KIAA1549L: variants seen among roughly 807,000 people sequenced by gnomAD.
KIAA1549L encodes KIAA1549 like.
A neutral mutation model predicts 160.7 loss-of-function variants in KIAA1549L; 88 were observed. That is an observed-to-expected ratio of 0.55 (90% CI 0.46 to 0.65). The LOEUF is 0.65. Ranked by LOEUF, KIAA1549L falls within the 30% of genes least tolerant of loss-of-function variation. KIAA1549L has a pLI of 0.00. For missense variants in KIAA1549L, 2,258 were observed against 2,437.5 expected (o/e 0.93, Z 1.55); for synonymous variants, 950 against 976.7 (o/e 0.97, Z 0.51).
At chr11:33,446,055 T>C (rs12574530) in intron 1 of KIAA1549L, among the ~76,000 whole-genome samples, 25,565 of 151,806 alleles carry the variant, frequency 0.17, 2,600 homozygotes, top group East Asian at 0.32. Context: ...GACACTGCTG[T>C]AGGTATTAGG....
chr11:33,551,976 G>A (rs1854478129), intron 5 of KIAA1549L, 132 bp from the exon 6 acceptor site: 1 of 996,760 alleles, frequency 1.0e-6, no homozygotes, highest in South Asian at 1.9e-5. Flanking sequence ...AGCAAACCTT[G>A]TCTGGCCTTA....
intron 1 of KIAA1549L, among the ~76,000 whole-genome samples, chr11:33,460,279 G>A (rs1851916182): frequency 6.6e-6 from 1 of 152,122 alleles, no homozygotes; most frequent in Non-Finnish European, 1.5e-5. Context: ...ATGGGAGGGG[G>A]GAGCATGAGA....
At chr11:33,410,948 A>G (rs1309200265) in intron 1 of KIAA1549L, among the ~76,000 whole-genome samples, 1 of 152,192 alleles carries the variant, frequency 6.6e-6, no homozygotes, top group East Asian at 1.9e-4. Flanking sequence ...GGTACAAGTG[A>G]GTAATGAGGA....
intron 6 of KIAA1549L, among the ~76,000 whole-genome samples, chr11:33,554,787 G>A (rs1854592055): frequency 6.6e-6 from 1 of 152,200 alleles, no homozygotes; most frequent in South Asian, 2.1e-4. Flanking sequence ...AGGAGAAATG[G>A]TTCCCTGAGG....
At chr11:33,570,238 A>G (rs1800920822) in intron 9 of KIAA1549L, among the ~76,000 whole-genome samples, 1 of 151,986 alleles carries the variant, frequency 6.6e-6, no homozygotes, top group Non-Finnish European at 1.5e-5. Flanking sequence ...TCCTGACCTC[A>G]TGATCCACCC....
At chr11:33,634,444 C>T (rs1010090751) in intron 16 of KIAA1549L, among the ~76,000 whole-genome samples, 2 of 152,174 alleles carry the variant, frequency 1.3e-5, no homozygotes, top group Admixed American at 1.3e-4. Context: ...GGCCGTAGTA[C>T]AAGGCCACAC....
chr11:33,422,249 G>A (rs566063968), intron 1 of KIAA1549L, among the ~76,000 whole-genome samples: 16 of 152,236 alleles, frequency 1.1e-4, no homozygotes, highest in Non-Finnish European at 2.1e-4. Context: ...TAGTTCATAA[G>A]CATCCCAAGG....
At position 33,545,062 on chromosome 11, in the gene KIAA1549L, A is replaced by G. The variant is rs1391179094; in HGVS notation, c.3069A>G (p.Thr1023=). The change falls in exon 3 of 21, where the codon ACA becomes ACG. Residue 1023 remains threonine, a synonymous_variant. Transcript: ENST00000658780. ...CAGGACATACCACGAGCACACATAC[A>G]GCCATGCAAGGAAACATGGACACTG... The part of the protein sequence containing the change: ...ARTGHTTSTH[T]AMQGNMDTAS... 6.2e-7 allele frequency: 1 copy of G among 1,614,056 alleles called. No individual in the cohort carries two copies.
chr11:33,545,853 T>C (rs1381932978), intron 3 of KIAA1549L, among the ~76,000 whole-genome samples: 1 of 152,260 alleles, frequency 6.6e-6, no homozygotes, highest in African/African-American at 2.4e-5. Context: ...GTTTGTAAGA[T>C]ACAACATCTT....
At chr11:33,589,525 A>G (rs975868182) in intron 11 of KIAA1549L, among the ~76,000 whole-genome samples, 3 of 152,230 alleles carry the variant, frequency 2.0e-5, no homozygotes, top group African/African-American at 7.2e-5. Flanking sequence ...ATGTCCAACA[A>G]TGATAGACTG....
At position 33,671,063 on chromosome 11, in the gene KIAA1549L, G is replaced by A. The variant is rs765697347; in HGVS notation, c.*2909G>A. The A allele has an allele frequency of 1.1e-4, 16 of 152,178 alleles. No homozygotes were observed. Among genetic ancestry groups the A allele is most frequent in the African/African-American group, 1.4e-4 (6 of 41,436 alleles). The allele number at this position is 152,178 out of a possible 1,614,324, so 9.4% of individuals were successfully genotyped here. A position where few individuals can be genotyped will look rare whatever the true frequency, so the allele number is the denominator to read the frequency against. On this transcript the variant is annotated 3_prime_UTR_variant, in exon 21 of 21. Coordinates refer to ENST00000658780, the MANE Select transcript of KIAA1549L (RefSeq NM_012194.3). ...GAAAAAAGATGATTGAGTATATAAC[G>A]AACTTCAGATACAGTGTATAGAGGA...
intron 13 of KIAA1549L, among the ~76,000 whole-genome samples, chr11:33,602,875 A>T (rs1056888434): frequency 6.6e-6 from 1 of 152,252 alleles, no homozygotes; most frequent in Non-Finnish European, 1.5e-5. Context: ...GAGGAATTGT[A>T]CAAATCTGAA....
At chr11:33,549,772 G>T (rs761312754) in intron 4 of KIAA1549L, among the ~76,000 whole-genome samples, 1 of 152,146 alleles carries the variant, frequency 6.6e-6, no homozygotes, top group Non-Finnish European at 1.5e-5. Context: ...GGGAGGCCGA[G>T]GTGGGAGGGT....
intron 1 of KIAA1549L, among the ~76,000 whole-genome samples, chr11:33,510,455 A>G (rs192122510): frequency 1.2e-3 from 185 of 152,222 alleles, no homozygotes; most frequent in African/African-American, 4.2e-3. Flanking sequence ...CCAAAGTGCT[A>G]TGATTACAGA....
intron 13 of KIAA1549L, among the ~76,000 whole-genome samples, chr11:33,600,360 ACTTT>A (rs1246053606): frequency 1.3e-5 from 2 of 152,138 alleles, no homozygotes; most frequent in Non-Finnish European, 2.9e-5. Flanking sequence ...GAGTTCAGCA[ACTTT>A]CTTCTCTTTC....
chr11:33,494,865 A>G (rs766707466), intron 1 of KIAA1549L, among the ~76,000 whole-genome samples: 2 of 152,208 alleles, frequency 1.3e-5, no homozygotes, highest in East Asian at 1.9e-4. Context: ...TTGGTGGTCC[A>G]TGCTATGATT....
At chr11:33,665,134 GA>G (rs958356885) in intron 20 of KIAA1549L, 1 of 152,328 alleles carries the variant, frequency 6.6e-6, no homozygotes, top group African/African-American at 2.4e-5. Flanking sequence ...TTTCTTCCTG[GA>G]AACCTCTGTG....
chr11:33,386,809 T>A (rs1340061104), intron 1 of KIAA1549L, among the ~76,000 whole-genome samples: 1 of 150,298 alleles, frequency 6.7e-6, no homozygotes, highest in Non-Finnish European at 1.5e-5. Context: ...GTAGTGCTGG[T>A]CTATAAAATA....
intron 6 of KIAA1549L, among the ~76,000 whole-genome samples, chr11:33,558,183 C>A (rs559100584): frequency 6.6e-6 from 1 of 152,208 alleles, no homozygotes; most frequent in East Asian, 1.9e-4. Context: ...ACCCAAAGGT[C>A]TGGGAAAGAC....
Sources: allele counts gnomAD v4.1 joint callset (sites outside exome capture counted in the v4.1 genomes callset), GRCh38; gene constraint gnomAD v4.1.1; transcripts MANE v1.5; gene names NCBI Gene and HGNC (gene_info 2026-07-23, HGNC 2026-07-21).